The following CAMTA1 variants were observed in gnomAD, a reference collection of about 807,000 sequenced individuals.
The protein encoded by CAMTA1 is calmodulin binding transcription activator 1.
In CAMTA1, 27 loss-of-function variants were observed where a neutral mutation model predicts 170.9. The observed-to-expected ratio is 0.16, with a 90% CI of 0.12 to 0.22. The LOEUF (loss-of-function observed/expected upper bound fraction) is 0.22. CAMTA1 is among the 10% of genes least tolerant of loss of function. The pLI is 1.00. For missense variants in CAMTA1, 1,619 were observed against 2,217.2 expected, an observed-to-expected ratio of 0.73 and a Z score of 5.42; for synonymous variants, 833 against 891.5, an observed-to-expected ratio of 0.93 and a Z score of 1.17.
chr1:7,558,983 C>G (rs1392448287), intron 6 of CAMTA1, among the ~76,000 whole-genome samples: 1 of 152,238 alleles, frequency 6.6e-6, no homozygotes, highest in East Asian at 1.9e-4. Flanking sequence ...CCCGTCCCCC[C>G]TGCCTGAAGG....
chr1:7,407,403 G>A (rs1354868536), intron 5 of CAMTA1, among the ~76,000 whole-genome samples: 3 of 152,210 alleles, frequency 2.0e-5, no homozygotes, highest in African/African-American at 7.2e-5. Flanking sequence ...GAGGGTCTGG[G>A]AAGGGCCCTG....
chr1:7,013,209 C>CTTTTATTTTTT (rs1700067803), intron 3 of CAMTA1, among the ~76,000 whole-genome samples: 1 of 84,206 alleles, frequency 1.2e-5, no homozygotes, highest in African/African-American at 5.3e-5. Context: ...TGCCCTTCTT[C>CTTTTATTTTTT]TTTTTTTTTT....
chr1:6,951,894 C>T (rs924824668), intron 3 of CAMTA1, among the ~76,000 whole-genome samples: 2 of 152,042 alleles, frequency 1.3e-5, no homozygotes, highest in East Asian at 1.9e-4. Context: ...TGAGACATGC[C>T]GTGCGAACTG....
intron 6 of CAMTA1, among the ~76,000 whole-genome samples, chr1:7,594,213 G>GGAAGGAAGGAAA (rs1335218196): frequency 2.7e-5 from 4 of 148,998 alleles, no homozygotes; most frequent in African/African-American, 1.0e-4. Context: ...AAGGAAGGAA[G>GGAAGGAAGGAAA]GAAGGAAGGA....
chr1:6,901,810 C>T (rs1295844694), intron 3 of CAMTA1, among the ~76,000 whole-genome samples: 1 of 152,062 alleles, frequency 6.6e-6, no homozygotes, highest in African/African-American at 2.4e-5. Context: ...CTTTGGGAGG[C>T]CAAGGCAGGT....
At chr1:7,272,692 C>CAAAAAAAAAAAACAAAAAAAA in intron 5 of CAMTA1, among the ~76,000 whole-genome samples, 1 of 38,802 alleles carries the variant, frequency 2.6e-5, no homozygotes, top group African/African-American at 9.3e-5. Context: ...TAAACACATG[C>CAAAAAAAAAAAACAAAAAAAA]AAAAAAAAAA....
intron 4 of CAMTA1, among the ~76,000 whole-genome samples, chr1:7,219,691 A>G (rs556842621): frequency 2.0e-5 from 3 of 151,676 alleles, no homozygotes; most frequent in African/African-American, 7.3e-5. Flanking sequence ...AATTAGGTTT[A>G]GGTGAAGTTG....
chr1:7,163,343 G>T (rs180837492), intron 4 of CAMTA1, among the ~76,000 whole-genome samples: 1,258 of 105,924 alleles, frequency 0.012, 17 homozygotes, highest in Middle Eastern at 0.074. Flanking sequence ...GCGGGAGGCC[G>T]GGGGGTGGGT....
intron 4 of CAMTA1, among the ~76,000 whole-genome samples, chr1:7,174,364 A>C (rs914972584): frequency 1.3e-5 from 2 of 152,246 alleles, no homozygotes; most frequent in Admixed American, 1.3e-4. Flanking sequence ...TTTGTTCTCC[A>C]AGTAAACAGC....
At chr1:7,404,037 G>T (rs112659451) in intron 5 of CAMTA1, among the ~76,000 whole-genome samples, 3,022 of 152,282 alleles carry the variant, frequency 0.02, 93 homozygotes, top group African/African-American at 0.07. Context: ...TTGGTGCTGG[G>T]CTGGGCAGCA....
chr1:7,477,066 G>A (rs1277030775), intron 6 of CAMTA1, among the ~76,000 whole-genome samples: 5 of 152,212 alleles, frequency 3.3e-5, no homozygotes, highest in African/African-American at 9.7e-5. Context: ...AGAAGGGCAA[G>A]GGGGTGTGAG....
intron 4 of CAMTA1, among the ~76,000 whole-genome samples, chr1:7,218,699 T>C (rs1166328276): frequency 1.3e-5 from 2 of 152,226 alleles, no homozygotes; most frequent in Non-Finnish European, 2.9e-5. Context: ...CAGGTAATTG[T>C]AATTTATTCC....
intron 6 of CAMTA1, among the ~76,000 whole-genome samples, chr1:7,498,908 A>T (rs201933710): frequency 1.1e-5 from 1 of 94,614 alleles, no homozygotes; most frequent in Non-Finnish European, 2.0e-5. Context: ...GCCTGGTGTG[A>T]GTGCGTATGT....
intron 4 of CAMTA1, among the ~76,000 whole-genome samples, chr1:7,120,176 G>A (rs1035374764): frequency 6.6e-6 from 1 of 152,164 alleles, no homozygotes; most frequent in African/African-American, 2.4e-5. Context: ...CACACTGAGT[G>A]GCATAACACA....
intron 5 of CAMTA1, among the ~76,000 whole-genome samples, chr1:7,405,999 C>T (rs1043604097): frequency 2.0e-5 from 3 of 152,302 alleles, no homozygotes; most frequent in South Asian, 2.1e-4. Context: ...GCTCGGGCCC[C>T]GGCACTGCAG....
chr1:7,563,031 T>A (rs1266405747), intron 6 of CAMTA1, among the ~76,000 whole-genome samples: 3 of 152,130 alleles, frequency 2.0e-5, no homozygotes, highest in Non-Finnish European at 4.4e-5. Context: ...TAGAGACGAC[T>A]CTCAACAGCC....
chr1:7,357,412 T>G (rs2085204430), intron 5 of CAMTA1, among the ~76,000 whole-genome samples: 1 of 152,236 alleles, frequency 6.6e-6, no homozygotes. Context: ...AGTTGCCCCC[T>G]TGCCGGGCTC....
intron 18 of CAMTA1, among the ~76,000 whole-genome samples, chr1:7,746,783 C>T (rs1441908059): frequency 6.6e-6 from 1 of 152,200 alleles, no homozygotes; most frequent in African/African-American, 2.4e-5. Context: ...ATTACTGGCG[C>T]GTGCCACCAC....
At position 6,924,812 on chromosome 1, in the gene CAMTA1, C is replaced by T. The variant is rs562471022; in HGVS notation, c.234+99602C>T. 3.3e-5 allele frequency among the ~76,000 whole-genome samples: 5 copies of T among 152,288 alleles called. No homozygotes were observed. The South Asian group carries it at 8.3e-4, about 25-fold the overall frequency. On this transcript the variant is annotated intron_variant, in intron 3 of 22. Transcript: ENST00000303635. ...TACTATACCGGGGAATCTAGCACTT[C>T]GGAATTGAAATGCGTTGAGTAGGGC... is the stretch of plus-strand genomic sequence containing the variant.
Sources: gnomAD v4.1 joint callset for allele counts (sites outside exome capture counted in the v4.1 genomes callset) on GRCh38, gnomAD v4.1.1 for gene constraint, MANE v1.5 for transcripts, NCBI Gene and HGNC (gene_info 2026-07-23, HGNC 2026-07-21) for gene names.